The following MRPL45 variants were observed in gnomAD, a reference collection of about 807,000 sequenced individuals.
MRPL45 encodes the protein large ribosomal subunit protein mL45.
MRPL45 carries 20 observed loss-of-function variants against 38.1 expected under a neutral mutation model. The ratio of observed to expected loss-of-function variants is 0.53; its 90% confidence interval spans 0.37 to 0.76. The LOEUF is 0.76. MRPL45 is among the 30% of genes least tolerant of loss of function. MRPL45 has a pLI of 0.00. For synonymous variants in MRPL45, 105 were observed against 128.8 expected (o/e 0.82, Z 1.25); for missense variants, 337 against 395.6 (o/e 0.85, Z 1.26).
chr17:38,312,018 T>C (rs1287405371), intron 4 of MRPL45, among the ~76,000 whole-genome samples: 3 of 151,884 alleles, frequency 2.0e-5, no homozygotes, highest in Non-Finnish European at 2.9e-5. Context: ...TTGTAGCATG[T>C]GTCTCCTTAA....
At chr17:38,303,290 A>ATTTTT (rs776250748) in intron 3 of MRPL45, among the ~76,000 whole-genome samples, 51 of 103,396 alleles carry the variant, frequency 4.9e-4, no homozygotes, top group East Asian at 1.1e-3. Context: ...AAAACATTAA[A>ATTTTT]TTTTTTTTTT....
intron 4 of MRPL45, among the ~76,000 whole-genome samples, chr17:38,307,748 G>A (rs1212977086): frequency 6.6e-6 from 1 of 152,152 alleles, no homozygotes; most frequent in Non-Finnish European, 1.5e-5. Flanking sequence ...ACTGTTGCTG[G>A]CATTCTTTGA....
At chr17:38,301,199 C>T (rs2036991871) in intron 3 of MRPL45, among the ~76,000 whole-genome samples, 1 of 152,110 alleles carries the variant, frequency 6.6e-6, no homozygotes, top group African/African-American at 2.4e-5. Context: ...TGTCTTTGCA[C>T]ATCCTTTCCT....
intron 4 of MRPL45, among the ~76,000 whole-genome samples, chr17:38,317,909 G>A (rs1393954266): frequency 2.0e-5 from 3 of 151,804 alleles, no homozygotes; most frequent in Non-Finnish European, 4.4e-5. Context: ...TATAGAGTCA[G>A]CATGACTCGG....
intron 4 of MRPL45, among the ~76,000 whole-genome samples, chr17:38,307,186 A>G (rs2144214475): frequency 6.6e-6 from 1 of 152,166 alleles, no homozygotes; most frequent in South Asian, 2.1e-4. Context: ...GGTGCACGCC[A>G]CCACATCCAG....
At chr17:38,302,205 C>T (rs2037003783) in intron 3 of MRPL45, among the ~76,000 whole-genome samples, 1 of 150,138 alleles carries the variant, frequency 6.7e-6, no homozygotes, top group Admixed American at 6.7e-5. Flanking sequence ...GGGATTGTGG[C>T]TGGATGAGGT....
intron 3 of MRPL45, among the ~76,000 whole-genome samples, chr17:38,304,870 G>A (rs1028743241): frequency 4.0e-4 from 53 of 130,886 alleles, no homozygotes; most frequent in African/African-American, 1.3e-3. Context: ...TTTTTGAGAC[G>A]AAGTCTCGCT....
intron 4 of MRPL45, among the ~76,000 whole-genome samples, chr17:38,307,815 C>T (rs890473588): frequency 9.4e-5 from 14 of 149,086 alleles, no homozygotes; most frequent in African/African-American, 3.4e-4. Context: ...GTCTAAAATC[C>T]ATTAATTATT....
chr17:38,300,255 A>T (rs1025297571), intron 3 of MRPL45, among the ~76,000 whole-genome samples: 1 of 151,570 alleles, frequency 6.6e-6, no homozygotes, highest in African/African-American at 2.4e-5. Context: ...TGACCTCGTG[A>T]TCCACCCACC....
chr17:38,322,175 A>T lies in MRPL45; in HGVS notation c.710A>T (p.Asp237Val). ...GGCCGGTTGATGTATGGACAGGAAGATGTACCCAAGGATGTCCTGGAGTAT... is the reference window on the plus strand; with the variant it reads ...GGCCGGTTGATGTATGGACAGGAAGTTGTACCCAAGGATGTCCTGGAGTAT... ...RFGRLMYGQE[D>V]VPKDVLEYVV... is the part of the protein sequence containing the mutation. Residue 237 changes from aspartate (D) to valine (V), a missense_variant, in exon 7 of 8, where the codon GAT becomes GTT. Around this residue, in one of 3 missense-constraint regions of MRPL45, gnomAD observed 251 missense variants for 269.1 expected, o/e 0.93. Coordinates refer to ENST00000613675, the MANE Select transcript of MRPL45 (RefSeq NM_032351.6). 1.2e-6 allele frequency: 2 copies of T among 1,614,136 alleles called. No homozygotes were observed. The highest frequency in any genetic ancestry group is 2.2e-5 in the South Asian group (2 of 91,074).
chr17:38,305,253 G>A (rs1448235766), intron 3 of MRPL45, among the ~76,000 whole-genome samples: 4 of 125,362 alleles, frequency 3.2e-5, no homozygotes, highest in African/African-American at 1.0e-4. Flanking sequence ...CAGATCACAA[G>A]GACAGGAGTT....
chr17:38,300,228 A>G (rs1350918442), intron 3 of MRPL45, among the ~76,000 whole-genome samples: 19 of 151,746 alleles, frequency 1.3e-4, no homozygotes, highest in Non-Finnish European at 2.8e-4. Flanking sequence ...ATGTTGGCCA[A>G]GATGGTCTCG....
intron 3 of MRPL45, among the ~76,000 whole-genome samples, chr17:38,303,557 G>C (rs1482487761): frequency 6.6e-6 from 1 of 151,880 alleles, no homozygotes; most frequent in Non-Finnish European, 1.5e-5. Flanking sequence ...GCCTCCCAAA[G>C]TGCTAGGATT....
intron 4 of MRPL45, among the ~76,000 whole-genome samples, chr17:38,315,492 C>T (rs1482740211): frequency 6.6e-6 from 1 of 151,490 alleles, no homozygotes; most frequent in Non-Finnish European, 1.5e-5. Flanking sequence ...TGGTCTCGAA[C>T]TCCTGGCCTC....
chr17:38,318,746 A>G lies in MRPL45; in HGVS notation c.510+11A>G, dbSNP rs759468044. ...GAACACTGTTTTCCAGTAAGTTCTC[A>G]TCCTCCTTAGAACTGTGGGGTGACT... On this transcript the variant is annotated intron_variant, in intron 5 of 7. Coordinates refer to ENST00000613675, the MANE Select transcript of MRPL45 (RefSeq NM_032351.6). 4.4e-6 allele frequency: 7 copies of G among 1,597,922 alleles called. No homozygotes were observed. The East Asian group carries it at 1.1e-4, about 26-fold the overall frequency.
chr17:38,300,978 A>T (rs1478863011), intron 3 of MRPL45, among the ~76,000 whole-genome samples: 1 of 152,188 alleles, frequency 6.6e-6, no homozygotes, highest in Admixed American at 6.5e-5. Context: ...AGATTTTATC[A>T]TATTACCTCC....
chr17:38,318,701 G>T lies in MRPL45; in HGVS notation c.476G>T (p.Arg159Leu), dbSNP rs138863014. 1.1e-5 allele frequency: 17 copies of T among 1,609,716 alleles called. No homozygotes were observed. The East Asian group carries it at 2.2e-4, about 21-fold the overall frequency. ...TTCTTTTCTAGCTCAGACCATGACC[G>T]GCTTCATACCTTGGTAACTGAACAC... is the stretch of plus-strand genomic sequence containing the variant. ...HLCLNNSDHD[R>L]LHTLVTEHCF... Residue 159 changes from arginine to leucine, a missense_variant, in exon 5 of 8, where the codon CGG becomes CTG. This residue lies in a region of MRPL45 where 251 missense variants were observed against 269.1 expected (regional missense o/e 0.93). Coordinates refer to ENST00000613675, the MANE Select transcript of MRPL45 (RefSeq NM_032351.6).
intron 4 of MRPL45, among the ~76,000 whole-genome samples, chr17:38,311,640 C>T (rs1305830157): frequency 3.4e-5 from 5 of 148,102 alleles, no homozygotes; most frequent in Non-Finnish European, 5.9e-5. Context: ...GAGCCAAGAT[C>T]GCACCACTGC....
rs1025052450 is a variant in MRPL45, at chr17:38,318,289, A to G, written c.462-398A>G. ...CTCAGAGGCAAGAGGAGATAAAACA[A>G]GCTTTTGATTGTTACTTGTGTTGAA... On this transcript the variant is annotated intron_variant, in intron 4 of 7. Coordinates refer to ENST00000613675, the MANE Select transcript of MRPL45 (RefSeq NM_032351.6). 2.0e-5 allele frequency among the ~76,000 whole-genome samples: 3 copies of G among 151,128 alleles called. No homozygotes were observed. In the East Asian group the frequency reaches 5.9e-4, roughly 30 times the overall value.
Sources: allele counts gnomAD v4.1 joint callset (sites outside exome capture counted in the v4.1 genomes callset), GRCh38; gene constraint gnomAD v4.1.1; regional missense constraint gnomAD v4.1.1; transcripts MANE v1.5; gene names NCBI Gene and HGNC (gene_info 2026-07-23, HGNC 2026-07-21).